WWP2: variants seen among roughly 807,000 people sequenced by gnomAD.
The protein encoded by WWP2 is NEDD4-like E3 ubiquitin-protein ligase WWP2.
Under a neutral mutation model 121.0 loss-of-function variants are expected in WWP2, and 57 were observed. That is an observed-to-expected ratio of 0.47 (90% CI 0.38 to 0.59). The LOEUF (loss-of-function observed/expected upper bound fraction) is 0.59. Among genes scored for constraint, WWP2 ranks in the 20% least tolerant of loss-of-function variants. WWP2 has a pLI of 0.00. For missense variants in WWP2, 962 were observed against 1,158.9 expected, an observed-to-expected ratio of 0.83 and a Z score of 2.47; for synonymous variants, 449 against 441.3, an observed-to-expected ratio of 1.02 and a Z score of -0.22.
At chr16:69,796,684 C>T (rs1227063431) in intron 2 of WWP2, among the ~76,000 whole-genome samples, 1 of 152,232 alleles carries the variant, frequency 6.6e-6, no homozygotes, top group Non-Finnish European at 1.5e-5. Flanking sequence ...CATGCTCTTA[C>T]CACCAGGTGG....
chr16:69,912,369 T>TCACACACACACACA (rs3051446), intron 9 of WWP2, among the ~76,000 whole-genome samples: 9 of 140,196 alleles, frequency 6.4e-5, no homozygotes, highest in African/African-American at 2.4e-4. Context: ...GGAGTTAGAT[T>TCACACACACACACA]CACACACACA....
At chr16:69,861,407 G>T (rs2057417863) in intron 6 of WWP2, among the ~76,000 whole-genome samples, 1 of 152,166 alleles carries the variant, frequency 6.6e-6, no homozygotes. Flanking sequence ...CTTTGAGAAG[G>T]TTGCTCTGTA....
At chr16:69,786,397 C>CAA (rs894397544) in intron 1 of WWP2, among the ~76,000 whole-genome samples, 20 of 150,004 alleles carry the variant, frequency 1.3e-4, no homozygotes, top group African/African-American at 5.0e-4. Context: ...ACCCGCCTCC[C>CAA]AAAGTGCTGG....
chr16:69,896,685 C>G (rs763706228), intron 8 of WWP2, among the ~76,000 whole-genome samples: 2 of 151,680 alleles, frequency 1.3e-5, no homozygotes, highest in African/African-American at 2.4e-5. Flanking sequence ...ACAAACACCC[C>G]CCCAGAGCTG....
chr16:69,933,425 G>A (rs538283778), intron 16 of WWP2, among the ~76,000 whole-genome samples: 2 of 152,278 alleles, frequency 1.3e-5, no homozygotes, highest in East Asian at 3.9e-4. Context: ...ATAGCTGGTG[G>A]GCATGAGGTT....
chr16:69,932,461 A>G (rs1359426558), intron 16 of WWP2, among the ~76,000 whole-genome samples: 1 of 152,250 alleles, frequency 6.6e-6, no homozygotes, highest in Non-Finnish European at 1.5e-5. Flanking sequence ...GAGGCGACGG[A>G]GGACTCCTGG....
intron 10 of WWP2, among the ~76,000 whole-genome samples, chr16:69,920,412 C>T (rs2058542791): frequency 6.6e-6 from 1 of 152,138 alleles, no homozygotes; most frequent in African/African-American, 2.4e-5. Context: ...TGGATGGAAT[C>T]TGGTCTTTCA....
chr16:69,821,345 T>G (rs117001329), intron 4 of WWP2, among the ~76,000 whole-genome samples: 3,561 of 152,306 alleles, frequency 0.023, 58 homozygotes, highest in South Asian at 0.076. Flanking sequence ...AAAAGGTCCT[T>G]TTAGCCACAA....
intron 2 of WWP2, among the ~76,000 whole-genome samples, chr16:69,789,406 A>T (rs1597668067): frequency 6.6e-6 from 1 of 151,948 alleles, no homozygotes; most frequent in Admixed American, 6.6e-5. Context: ...CTTTTTGTAT[A>T]TTTAGTAGAG....
intron 6 of WWP2, among the ~76,000 whole-genome samples, chr16:69,844,268 G>C (rs986555017): frequency 2.6e-5 from 4 of 152,198 alleles, no homozygotes; most frequent in South Asian, 2.1e-4. Context: ...ACAAAGCCAT[G>C]ATGGGCACCT....
intron 6 of WWP2, among the ~76,000 whole-genome samples, chr16:69,859,870 C>CCCCCG (rs1462288585): frequency 6.7e-6 from 1 of 149,138 alleles, no homozygotes; most frequent in African/African-American, 2.5e-5. Context: ...CCGCCCCCCA[C>CCCCCG]CCCCGCCCCG....
intron 8 of WWP2, among the ~76,000 whole-genome samples, chr16:69,906,354 C>A (rs138379561): frequency 6.6e-6 from 1 of 152,062 alleles, no homozygotes; most frequent in Non-Finnish European, 1.5e-5. Context: ...TTACAGGTGT[C>A]AGCCACCGCA....
chr16:69,813,992 G>A (rs2056444371), intron 4 of WWP2, among the ~76,000 whole-genome samples: 1 of 152,170 alleles, frequency 6.6e-6, no homozygotes, highest in Non-Finnish European at 1.5e-5. Flanking sequence ...TTTTTGAAGT[G>A]TGATCCTGAG....
chr16:69,824,302 T>A (rs548789789), intron 4 of WWP2, among the ~76,000 whole-genome samples: 2 of 152,282 alleles, frequency 1.3e-5, no homozygotes, highest in South Asian at 4.1e-4. Flanking sequence ...AGGCTTATTC[T>A]TTGTGGGAGA....
chr16:69,873,767 G>A (rs999050807), intron 7 of WWP2, among the ~76,000 whole-genome samples: 2 of 152,194 alleles, frequency 1.3e-5, no homozygotes, highest in African/African-American at 4.8e-5. Flanking sequence ...AGAGCTACTA[G>A]CAGCTTTGTT....
At position 69,826,958 on chromosome 16, in the gene WWP2, G is replaced by A. The variant is rs889354467; in HGVS notation, c.341-13168G>A. On this transcript the variant is annotated intron_variant, in intron 4 of 23. Transcript: ENST00000359154. ...CACCTCAAAAAAAAAAAAAAAAGGG[G>A]GGGGGGCGGAGAGAATAATGGACCA... Among the ~76,000 whole-genome samples, 7 of 123,356 alleles carry A rather than the reference G, an allele frequency of 5.7e-5. No homozygotes were observed. In the Admixed American group the frequency reaches 5.8e-4, roughly 10 times the overall value. 80.9% of individuals were successfully genotyped at this position (123,356 alleles called of 152,430 possible).
chr16:69,838,919 T>C (rs746949967), intron 4 of WWP2: 131 of 982,426 alleles, frequency 1.3e-4, no homozygotes, highest in South Asian at 1.9e-4. Flanking sequence ...TTATAATAGA[T>C]CTTTGACTTG....
chr16:69,772,962 T>C (rs1268285617), intron 1 of WWP2, among the ~76,000 whole-genome samples: 1 of 152,008 alleles, frequency 6.6e-6, no homozygotes, highest in Non-Finnish European at 1.5e-5. Context: ...TTTCTGTGGG[T>C]TTTCACCTTT....
chr16:69,849,332 G>C (rs2057154881), intron 6 of WWP2, among the ~76,000 whole-genome samples: 1 of 152,202 alleles, frequency 6.6e-6, no homozygotes, highest in Admixed American at 6.5e-5. Context: ...GTGACTAAAG[G>C]CTGCTTGATT....
Sources: allele counts gnomAD v4.1 joint callset (sites outside exome capture counted in the v4.1 genomes callset), GRCh38; gene constraint gnomAD v4.1.1; transcripts MANE v1.5; gene names NCBI Gene and HGNC (gene_info 2026-07-23, HGNC 2026-07-21).